LRRC14: variants seen among roughly 807,000 people sequenced by gnomAD.
The protein encoded by LRRC14 is leucine-rich repeat-containing protein 14.
In LRRC14, 16 loss-of-function variants were observed where a neutral mutation model predicts 25.3. The ratio of observed to expected loss-of-function variants is 0.63; its 90% CI spans 0.43 to 0.96. The LOEUF (loss-of-function observed/expected upper bound fraction) is 0.96. LRRC14 is among the 40% of genes least tolerant of loss of function. The pLI, the probability that LRRC14 is intolerant of heterozygous loss-of-function variation, is 0.00. For synonymous variants in LRRC14, 359 were observed against 295.1 expected, an observed-to-expected ratio of 1.22 and a Z score of -2.22; for missense variants, 594 against 660.5, an observed-to-expected ratio of 0.90 and a Z score of 1.10.
Position 144,521,512 on chromosome 8 carries a change from G to T in LRRC14, c.*34G>T, listed in dbSNP as rs765491952. On this transcript the variant is annotated 3_prime_UTR_variant, in exon 4 of 4. Coordinates refer to ENST00000292524, the MANE Select transcript of LRRC14 (RefSeq NM_014665.4). ...CTCTGGGTGAGACACAGGCCGCCCT[G>T]CAGTCTCTTTAGGTAGGCAGGGCCT... 3 of 1,566,506 alleles carry T rather than the reference G, an allele frequency of 1.9e-6. No homozygotes were observed. The African/African-American group carries it at 4.0e-5, about 21-fold the overall frequency.
At position 144,521,258 on chromosome 8, in the gene LRRC14, C is replaced by G. The variant is rs757475802; in HGVS notation, c.1262C>G (p.Ala421Gly). The G allele has an allele frequency of 5.0e-6, 8 of 1,613,102 alleles. No homozygotes were observed. Among genetic ancestry groups the G allele is most frequent in the Non-Finnish European group, 5.9e-6 (7 of 1,180,042 alleles). Residue 421 changes from alanine (A) to glycine (G), a missense_variant, in exon 4 of 4, where the codon GCT becomes GGT. By Grantham distance (60) the Ala-to-Gly change is moderately conservative (BLOSUM62 0). Transcript: ENST00000292524. Reference sequence around the variant, plus strand: ...CTGCTGCGGGACTCAGTGGCACAGGCTGAGCTGCGTACTGTGGTGCACCCC... The same window carrying G: ...CTGCTGCGGGACTCAGTGGCACAGGGTGAGCTGCGTACTGTGGTGCACCCC... ...KELLRDSVAQ[A>G]ELRTVVHPFP...
intron 1 of LRRC14, among the ~76,000 whole-genome samples, chr8:144,519,000 A>G (rs1815720722): frequency 1.3e-5 from 2 of 152,254 alleles, no homozygotes; most frequent in African/African-American, 4.8e-5. Context: ...GTAAGGGCCA[A>G]CAAAGGTGAG....
In LRRC14 at chr8:144,522,472, G is replaced by C. The variant is rs1473764092; in HGVS notation, c.*994G>C. ...CGCCCACGTCATCCGCGCGCCCGCGGCCCTAGCAGTGGATCTCGTAGGCGA... is the reference window on the plus strand; with the variant it reads ...CGCCCACGTCATCCGCGCGCCCGCGCCCCTAGCAGTGGATCTCGTAGGCGA... On this transcript the variant is annotated 3_prime_UTR_variant, in exon 4 of 4. Coordinates refer to ENST00000292524, the MANE Select transcript of LRRC14 (RefSeq NM_014665.4). 1 of 1,465,146 alleles carries C rather than the reference G, an allele frequency of 6.8e-7. No individual in the cohort carries two copies. Among genetic ancestry groups the C allele is most frequent in the Non-Finnish European group, 8.9e-7 (1 of 1,117,430 alleles). The allele number at this position is 1,465,146 out of a possible 1,614,324, so 90.8% of individuals were successfully genotyped here.
In LRRC14 at chr8:144,519,673, C is replaced by T; in HGVS notation, c.-53C>T. 1 of 1,491,878 alleles carries T rather than the reference C, an allele frequency of 6.7e-7. No individual in the cohort carries two copies. The highest frequency in any genetic ancestry group is 1.2e-5 in the South Asian group (1 of 83,058). 92.4% of individuals were successfully genotyped at this position (1,491,878 alleles called of 1,614,324 possible). ...GGCTTGGTAGTGGCCTAGGGTCTCT[C>T]CTCCCTGCTGAAGTCCCTCTCCTGC... On this transcript the variant is annotated 5_prime_UTR_variant, in exon 2 of 4. Coordinates refer to ENST00000292524, the MANE Select transcript of LRRC14 (RefSeq NM_014665.4).
rs1218668487 is a variant in LRRC14, at chr8:144,522,535, T to A, written c.*1057T>A. 4 of 1,524,568 alleles carry A rather than the reference T, an allele frequency of 2.6e-6. No individual in the cohort carries two copies. In the African/African-American group the frequency reaches 5.7e-5, roughly 22 times the overall value. The allele number at this position is 1,524,568 out of a possible 1,614,324, so 94.4% of individuals were successfully genotyped here. A position where few individuals can be genotyped will look rare whatever the true frequency, so the allele number is the denominator to read the frequency against. On this transcript the variant is annotated 3_prime_UTR_variant, in exon 4 of 4. Coordinates refer to ENST00000292524, the MANE Select transcript of LRRC14 (RefSeq NM_014665.4). Reference sequence around the variant, plus strand: ...CGCGGAGTCCCGGCCCCGCCCCCTGTTCCGGGCCGCAGTCAGCGGGCGCCT... The same window carrying A: ...CGCGGAGTCCCGGCCCCGCCCCCTGATCCGGGCCGCAGTCAGCGGGCGCCT...
At position 144,521,223 on chromosome 8, in the gene LRRC14, C is replaced by T. The variant is rs760380242; in HGVS notation, c.1227C>T (p.Gly409=). ...ATGGCAACCCACTGTCCATGGCGGG[C>T]CTCAAGGAGCTGCTGCGGGACTCAG... ...GLYGNPLSMA[G]LKELLRDSVA... is the part of the protein sequence containing the mutation. The change falls in exon 4 of 4, where the codon GGC becomes GGT. Residue 409 remains glycine (G), a synonymous_variant. Transcript: ENST00000292524. 1.2e-6 allele frequency: 2 copies of T among 1,613,328 alleles called. No homozygotes were observed. Among genetic ancestry groups the T allele is most frequent in the African/African-American group, 2.7e-5 (2 of 75,052 alleles).
chr8:144,519,623 C>T lies in LRRC14; in HGVS notation c.-103C>T, dbSNP rs1815838127. ...TGCTGACTTTGTTTCAGGCACTATG[C>T]TGGGCCTTCCTACCACTTGTGTGTG... On this transcript the variant is annotated 5_prime_UTR_variant, in exon 2 of 4. Coordinates refer to ENST00000292524, the MANE Select transcript of LRRC14 (RefSeq NM_014665.4). 1 of 1,032,544 alleles carries T rather than the reference C, an allele frequency of 9.7e-7. No individual in the cohort carries two copies. Among genetic ancestry groups the T allele is most frequent in the African/African-American group, 1.6e-5 (1 of 63,630 alleles). 64.0% of individuals were successfully genotyped at this position (1,032,544 alleles called of 1,614,324 possible).
Position 144,520,905 on chromosome 8 carries a change from C to G in LRRC14, c.915-6C>G. 6.2e-7 allele frequency: 1 copy of G among 1,607,086 alleles called. No individual in the cohort carries two copies. The highest frequency in any genetic ancestry group is 8.5e-7 in the Non-Finnish European group (1 of 1,178,824). On this transcript the variant is annotated splice_polypyrimidine_tract_variant and splice_region_variant and intron_variant, in intron 3 of 3. Transcript: ENST00000292524. The stretch of plus-strand genomic sequence containing the variant: ...TGCCTGTCTGTGACCCCTGTGTCCC[C>G]TGTAGCACCCTGCAGAGCCCCCTGG...
Position 144,525,157 on chromosome 8 carries a change from T to C in LRRC14, c.*3679T>C. 2 of 582,110 alleles carry C rather than the reference T, an allele frequency of 3.4e-6. No individual in the cohort carries two copies. Among genetic ancestry groups the C allele is most frequent in the East Asian group, 6.9e-5 (2 of 29,032 alleles). The allele number at this position is 582,110 out of a possible 1,614,324, so 36.1% of individuals were successfully genotyped here. A position where few individuals can be genotyped will look rare whatever the true frequency, so the allele number is the denominator to read the frequency against. ...GGTTCAAGAAACTAATAAAACGTTC[T>C]GGTTTTCTCCTTTGACAAAAACATT... On this transcript the variant is annotated 3_prime_UTR_variant, in exon 4 of 4. Coordinates refer to ENST00000292524, the MANE Select transcript of LRRC14 (RefSeq NM_014665.4).
rs1816313538 is a variant in LRRC14 at position 144,525,071 on chromosome 8, G to A, written c.*3593G>A. On this transcript the variant is annotated 3_prime_UTR_variant, in exon 4 of 4. Coordinates refer to ENST00000292524, the MANE Select transcript of LRRC14 (RefSeq NM_014665.4). ...TTGGCAGGCCAGTCTCGGCAGTCGAGAGCCAGCCAATAGATGGAATGGAGG... is the reference window on the plus strand; with the variant it reads ...TTGGCAGGCCAGTCTCGGCAGTCGAAAGCCAGCCAATAGATGGAATGGAGG... The A allele has an allele frequency of 7.5e-7, 1 of 1,325,174 alleles. No homozygotes were observed. The highest frequency in any genetic ancestry group is 1.5e-5 in the African/African-American group (1 of 64,810). 82.1% of individuals were successfully genotyped at this position (1,325,174 alleles called of 1,614,324 possible).
rs1464804903 is a variant in LRRC14, at chr8:144,519,733, C to T, written c.8C>T (p.Thr3Met). The change falls in exon 2 of 4, where the codon ACG (threonine) becomes ATG (methionine). Residue 3 changes from threonine to methionine, a missense_variant. Physicochemically the swap from Thr to Met is moderately conservative, Grantham distance 81. Coordinates refer to ENST00000292524, the MANE Select transcript of LRRC14 (RefSeq NM_014665.4). MH[T>M]LVFLSTRQVL... ...TCTGCCCGGCCCAGCACCATGCACA[C>T]GCTTGTGTTCTTGAGCACACGGCAG... The T allele has an allele frequency of 5.6e-6, 9 of 1,611,342 alleles. No homozygotes were observed. Among genetic ancestry groups the T allele is most frequent in the Admixed American group, 3.3e-5 (2 of 59,716 alleles).
chr8:144,520,528 T>C lies in LRRC14; in HGVS notation c.620T>C (p.Met207Thr). The change falls in exon 3 of 4, where the codon ATG (methionine) becomes ACG (threonine). Residue 207 changes from methionine (M) to threonine (T), a missense_variant. Physicochemically the swap from Met to Thr is moderately conservative, Grantham distance 81. Transcript: ENST00000292524. ...GACCTGCGAGCTGAGGACCTGCCCA[T>C]GCGCAACACTGTGGCCCTGCTGCAG... ...CRDLRAEDLP[M>T]RNTVALLQLL... 2 of 1,599,698 alleles carry C rather than the reference T, an allele frequency of 1.3e-6. No homozygotes were observed. The highest frequency in any genetic ancestry group is 1.7e-6 in the Non-Finnish European group (2 of 1,179,710).
At position 144,522,333 on chromosome 8, in the gene LRRC14, G is replaced by A; in HGVS notation, c.*855G>A. On this transcript the variant is annotated 3_prime_UTR_variant, in exon 4 of 4. Coordinates refer to ENST00000292524, the MANE Select transcript of LRRC14 (RefSeq NM_014665.4). ...CCGGCCACCTTCCATTGCTACCCCA[G>A]GATTCCCGAGTGCAACGTTCCCGGC... is the stretch of plus-strand genomic sequence containing the variant. 3 of 1,255,186 alleles carry A rather than the reference G, an allele frequency of 2.4e-6. No individual in the cohort carries two copies. Among genetic ancestry groups the A allele is most frequent in the Non-Finnish European group, 3.1e-6 (3 of 975,442 alleles). 77.8% of individuals were successfully genotyped at this position (1,255,186 alleles called of 1,614,324 possible). A position where few individuals can be genotyped will look rare whatever the true frequency, so the allele number is the denominator to read the frequency against.
In LRRC14 at chr8:144,521,034, C is replaced by A; in HGVS notation, c.1038C>A (p.Asn346Lys). Residue 346 changes from asparagine (N) to lysine (K), a missense_variant, in exon 4 of 4, where the codon AAC becomes AAA. By Grantham distance (94) the Asn-to-Lys change is moderately conservative (BLOSUM62 0). Transcript: ENST00000292524. ...TCAAGAAGTTGGACCTGAGTGGTAA[C>A]GACCTGTCTGGCAGCCAGCTGGCAC... The part of the protein sequence containing the change: ...AHLKKLDLSG[N>K]DLSGSQLAPF... The A allele has an allele frequency of 6.2e-7, 1 of 1,613,088 alleles. No homozygotes were observed. Among genetic ancestry groups the A allele is most frequent in the Non-Finnish European group, 8.5e-7 (1 of 1,180,036 alleles).
chr8:144,524,040 C>G lies in LRRC14; in HGVS notation c.*2562C>G, dbSNP rs1306542819. 2.0e-6 allele frequency: 3 copies of G among 1,533,822 alleles called. No individual in the cohort carries two copies. Among genetic ancestry groups the G allele is most frequent in the East Asian group, 2.3e-5 (1 of 43,918 alleles). On this transcript the variant is annotated 3_prime_UTR_variant, in exon 4 of 4. Coordinates refer to ENST00000292524, the MANE Select transcript of LRRC14 (RefSeq NM_014665.4). ...CCAGTTGCCTGATGTCAGAGCCCCT[C>G]CACACATGAGCCTGCTCCCTACTGC...
chr8:144,522,988 G>GTACT lies in LRRC14; in HGVS notation c.*1514_*1517dup. On this transcript the variant is annotated 3_prime_UTR_variant, in exon 4 of 4. Coordinates refer to ENST00000292524, the MANE Select transcript of LRRC14 (RefSeq NM_014665.4). ...CGCCGGCGTTGGAGGCCTCGCACTCGTACTTACCGGCGTGCGCCAGCGTGA... is the reference window on the plus strand; with the variant it reads ...CGCCGGCGTTGGAGGCCTCGCACTCGTACTTACTTACCGGCGTGCGCCAGCGTGA... 2.5e-6 allele frequency: 4 copies of GTACT among 1,595,444 alleles called. No homozygotes were observed. Among genetic ancestry groups the GTACT allele is most frequent in the Non-Finnish European group, 3.4e-6 (4 of 1,175,376 alleles).
At chr8:144,518,567 C>T (rs1815647263) in intron 1 of LRRC14, 1 of 152,306 alleles carries the variant, frequency 6.6e-6, no homozygotes, top group African/African-American at 2.4e-5. Flanking sequence ...CAGAACTAGG[C>T]CGAGGGTTGG....
Position 144,523,268 on chromosome 8 carries a change from A to T in LRRC14, c.*1790A>T. 1 of 1,610,934 alleles carries T rather than the reference A, an allele frequency of 6.2e-7. No individual in the cohort carries two copies. Among genetic ancestry groups the T allele is most frequent in the Non-Finnish European group, 8.5e-7 (1 of 1,179,192 alleles). The stretch of plus-strand genomic sequence containing the variant: ...AATGCAGATGAGGCTGCTGTGGGAT[A>T]CGTCCAGGAGACTCTGGAGCGCCAG... On this transcript the variant is annotated 3_prime_UTR_variant, in exon 4 of 4. Transcript: ENST00000292524.
In LRRC14 at chr8:144,523,305, C is replaced by G. The variant is rs1488429462; in HGVS notation, c.*1827C>G. On this transcript the variant is annotated 3_prime_UTR_variant, in exon 4 of 4. Transcript: ENST00000292524. ...CTCTGGAGCGCCAGGCGCGGGGGCT[C>G]TGCACACATGATCTTCCTGTCCCTG... 1.2e-6 allele frequency: 2 copies of G among 1,610,906 alleles called. No individual in the cohort carries two copies. The highest frequency in any genetic ancestry group is 1.7e-6 in the Non-Finnish European group (2 of 1,179,128).
Sources: gnomAD v4.1 joint callset for allele counts (sites outside exome capture counted in the v4.1 genomes callset) on GRCh38, gnomAD v4.1.1 for gene constraint, MANE v1.5 for transcripts, NCBI Gene and HGNC (gene_info 2026-07-23, HGNC 2026-07-21) for gene names.